Variants in XRN1 observed in about 807,000 individuals in gnomAD.
The protein encoded by XRN1 is 5'-3' exoribonuclease 1, also known as strand-exchange protein 1 homolog.
A neutral mutation model predicts 222.3 loss-of-function variants in XRN1; 67 were observed. The ratio of observed to expected loss-of-function variants is 0.30; its 90% confidence interval spans 0.25 to 0.37. The LOEUF (loss-of-function observed/expected upper bound fraction) is 0.37. Ranked by LOEUF, XRN1 falls within the 10% of genes least tolerant of loss-of-function variation. The pLI, the probability that XRN1 is intolerant of heterozygous loss-of-function variation, is 1.00. For synonymous variants in XRN1, 643 were observed against 652.4 expected (o/e 0.99, Z 0.22); for missense variants, 1,707 against 2,000.2 (o/e 0.85, Z 2.80).
In XRN1 at chr3:142,425,626, G is replaced by T. The variant is rs533370334; in HGVS notation, c.407-88C>A. 431 of 1,051,882 alleles carry T rather than the reference G, an allele frequency of 4.1e-4. 2 individuals are homozygous for T. Among genetic ancestry groups the T allele is most frequent in the Non-Finnish European group, 3.9e-5 (28 of 711,308 alleles). 65.2% of individuals were successfully genotyped at this position (1,051,882 alleles called of 1,614,324 possible). Reference sequence around the variant, plus strand: ...ACAACACATAACTGAATCTGAGTACGCCGGGAATAGCTAGGTAGGTATAGG... The same window carrying T: ...ACAACACATAACTGAATCTGAGTACTCCGGGAATAGCTAGGTAGGTATAGG... On this transcript the variant is annotated intron_variant, in intron 3 of 40. Coordinates refer to ENST00000392981, the MANE Select transcript of XRN1 (RefSeq NM_001282857.2).
intron 32 of XRN1, among the ~76,000 whole-genome samples, chr3:142,350,753 T>C (rs1035807744): frequency 2.0e-5 from 3 of 151,900 alleles, no homozygotes; most frequent in African/African-American, 7.3e-5. Flanking sequence ...GATATGAGGG[T>C]AAAAGAGAAA....
intron 39 of XRN1, among the ~76,000 whole-genome samples, chr3:142,317,301 T>C (rs1481848810): frequency 6.6e-6 from 1 of 152,210 alleles, no homozygotes; most frequent in Non-Finnish European, 1.5e-5. Flanking sequence ...TTTCTGGAAC[T>C]CTAATAAGGT....
Position 142,397,334 on chromosome 3 carries a change from T to C in XRN1, c.2334A>G (p.Ser778=). ...ATACTTTTAACGATACTCACTGTTC[T>C]GAAATTCCTTGTACTTCTTTTGCCC... is the stretch of plus-strand genomic sequence containing the variant. ...SNWAKEVQGI[S]EHYLRRKGII... Residue 778 remains serine (S), a synonymous_variant, in exon 20 of 41, where the codon TCA becomes TCG. Transcript: ENST00000392981. 2 of 1,587,080 alleles carry C rather than the reference T, an allele frequency of 1.3e-6. No individual in the cohort carries two copies. The highest frequency in any genetic ancestry group is 1.7e-6 in the Non-Finnish European group (2 of 1,167,698).
At chr3:142,439,431 A>G (rs755175912) in intron 1 of XRN1, among the ~76,000 whole-genome samples, 3 of 152,210 alleles carry the variant, frequency 2.0e-5, no homozygotes, top group Non-Finnish European at 4.4e-5. Context: ...TGCGTGCTAG[A>G]AGGACTAAGG....
rs184935084 is a variant in XRN1, at chr3:142,346,700, T to G, written c.3877+534A>C. Among the ~76,000 whole-genome samples, 837 of 152,224 alleles carry G rather than the reference T, an allele frequency of 5.5e-3. 9 individuals carry two copies. Among genetic ancestry groups the G allele is most frequent in the African/African-American group, 0.019 (795 of 41,526 alleles). ...TTTGCCATGTTGCCCAGGCTGGTCT[T>G]GAACTCCTGGGCTCAAGTGATCTGC... On this transcript the variant is annotated intron_variant, in intron 33 of 40. Transcript: ENST00000392981.
intron 14 of XRN1, 113 bp from the exon 15 acceptor site, chr3:142,412,776 A>G: frequency 1.1e-6 from 1 of 919,302 alleles, no homozygotes; most frequent in Non-Finnish European, 1.5e-6. Context: ...TAAGCAAAGC[A>G]AACTAAATTT....
intron 20 of XRN1, among the ~76,000 whole-genome samples, chr3:142,393,946 C>G (rs2067832739): frequency 6.6e-6 from 1 of 152,068 alleles, no homozygotes; most frequent in Non-Finnish European, 1.5e-5. Flanking sequence ...CCAGCCTCAG[C>G]TTCTGGAGTA....
At chr3:142,413,224 A>C (rs1287358436) in intron 14 of XRN1, among the ~76,000 whole-genome samples, 1 of 152,254 alleles carries the variant, frequency 6.6e-6, no homozygotes, top group Non-Finnish European at 1.5e-5. Flanking sequence ...AGAAAGCATA[A>C]GGAAATAAGG....
chr3:142,370,372 T>C, intron 27 of XRN1, 113 bp downstream of exon 27: 1 of 1,293,686 alleles, frequency 7.7e-7, no homozygotes, highest in Non-Finnish European at 1.0e-6. Flanking sequence ...TGATACTAAT[T>C]AGAATCACTA....
rs1303381177 is a variant in XRN1, at chr3:142,426,783, GA to G, written c.366del (p.Pro123LeufsTer25). On this transcript the variant is annotated frameshift_variant, in exon 3 of 41. Coordinates refer to ENST00000392981, the MANE Select transcript of XRN1 (RefSeq NM_001282857.2). LOFTEE classifies it high-confidence loss of function. ...IKKAIEKGET[L>X]PTEARFDSNC... The stretch of plus-strand genomic sequence containing the variant: ...TTGGAATCAAATCTGGCCTCTGTAG[GA>G]AGAGTTTCTCCCTTCTCTATTGCCT... The G allele has an allele frequency of 6.2e-7, 1 of 1,613,818 alleles. No homozygotes were observed. Among genetic ancestry groups the G allele is most frequent in the Non-Finnish European group, 8.5e-7 (1 of 1,179,946 alleles).
At chr3:142,423,112 T>C (rs889731553) in intron 6 of XRN1, among the ~76,000 whole-genome samples, 190 bp from the exon 7 acceptor site, 1 of 152,164 alleles carries the variant, frequency 6.6e-6, no homozygotes, top group Admixed American at 6.5e-5. Context: ...TAATACATGT[T>C]AAAGTTCAAA....
At chr3:142,388,749 G>A (rs1238618184) in intron 20 of XRN1, among the ~76,000 whole-genome samples, 1 of 152,224 alleles carries the variant, frequency 6.6e-6, no homozygotes, top group African/African-American at 2.4e-5. Context: ...ACCCACAAGA[G>A]AAGTTCTTTC....
In XRN1 at chr3:142,358,054, C is replaced by CAACAAA. The variant is rs1035696327; in HGVS notation, c.3465-941_3465-936dup. ...ATCTGTCTCAAAAAACAAAATACAA[C>CAACAAA]AACAAAAACAAAAACAAAAACAAAA... On this transcript the variant is annotated intron_variant, in intron 30 of 40. Transcript: ENST00000392981. 5.9e-5 allele frequency among the ~76,000 whole-genome samples: 9 copies of CAACAAA among 151,926 alleles called. No homozygotes were observed. In the South Asian group the frequency reaches 6.2e-4, roughly 11 times the overall value.
At chr3:142,409,834 G>A (rs2068495065) in intron 15 of XRN1, among the ~76,000 whole-genome samples, 1 of 152,096 alleles carries the variant, frequency 6.6e-6, no homozygotes, top group Non-Finnish European at 1.5e-5. Flanking sequence ...TCAAGGTAGA[G>A]GGCTTCCACA....
In XRN1 at chr3:142,309,233, C is replaced by CA. The variant is rs1248615347; in HGVS notation, c.*2277_*2278insT. The CA allele has an allele frequency of 2.0e-5, 3 of 151,582 alleles. No homozygotes were observed. The highest frequency in any genetic ancestry group is 2.9e-5 in the Non-Finnish European group (2 of 67,878). The allele number at this position is 151,582 out of a possible 1,614,324, so 9.4% of individuals were successfully genotyped here. A position where few individuals can be genotyped will look rare whatever the true frequency, so the allele number is the denominator to read the frequency against. ...AAAGTAAGGATAATAAAACTTTTTT[C>CA]TTTTTTTTGAGACAGAGTCTTGCTC... On this transcript the variant is annotated 3_prime_UTR_variant, in exon 41 of 41. Coordinates refer to ENST00000392981, the MANE Select transcript of XRN1 (RefSeq NM_001282857.2).
chr3:142,340,230 C>T (rs936750714), intron 33 of XRN1, among the ~76,000 whole-genome samples: 2 of 152,008 alleles, frequency 1.3e-5, no homozygotes, highest in African/African-American at 4.8e-5. Flanking sequence ...TGGCATATGC[C>T]TGTAATCCCA....
Position 142,396,622 on chromosome 3 carries a change from TA to T in XRN1, c.2339+706del, listed in dbSNP as rs1278311209. 2.0e-5 allele frequency among the ~76,000 whole-genome samples: 3 copies of T among 152,334 alleles called. No homozygotes were observed. In the South Asian group the frequency reaches 6.2e-4, roughly 32 times the overall value. ...TTTTCCCGGTTTATTCATCTTTGAA[TA>T]AGGATATTGTGGCCTGGTATTAGCC... On this transcript the variant is annotated intron_variant, in intron 20 of 40. Coordinates refer to ENST00000392981, the MANE Select transcript of XRN1 (RefSeq NM_001282857.2).
At chr3:142,319,028 T>C in intron 37 of XRN1, 125 bp from the exon 38 acceptor site, 2 of 825,252 alleles carry the variant, frequency 2.4e-6, no homozygotes, top group Non-Finnish European at 3.6e-6. Context: ...CAGTTCAAGT[T>C]TTCAATTGCC....
chr3:142,410,467 G>A (rs144003601), intron 15 of XRN1, among the ~76,000 whole-genome samples: 12 of 143,636 alleles, frequency 8.4e-5, no homozygotes, highest in South Asian at 2.2e-4. Context: ...CTTCTTATAC[G>A]CTGTCAGATT....
Sources: allele counts gnomAD v4.1 joint callset (sites outside exome capture counted in the v4.1 genomes callset), GRCh38; gene constraint gnomAD v4.1.1; transcripts MANE v1.5; gene names NCBI Gene and HGNC (gene_info 2026-07-23, HGNC 2026-07-21).